The following TMTC1 variants were observed in gnomAD, a reference collection of about 807,000 sequenced individuals.
TMTC1 encodes protein O-mannosyl-transferase TMTC1.
TMTC1 carries 73 observed loss-of-function variants against 104.8 expected under a neutral mutation model. The observed-to-expected ratio is 0.70, with a 90% CI of 0.58 to 0.85. The LOEUF (loss-of-function observed/expected upper bound fraction) is 0.85. TMTC1 is among the 40% of genes least tolerant of loss of function. TMTC1 has a pLI of 0.00. For missense variants in TMTC1, 1,035 were observed against 1,096.1 expected, an observed-to-expected ratio of 0.94 and a Z score of 0.79; for synonymous variants, 434 against 428.7, an observed-to-expected ratio of 1.01 and a Z score of -0.15.
At chr12:29,736,728 C>T (rs775365036) in intron 5 of TMTC1, among the ~76,000 whole-genome samples, 20 of 152,128 alleles carry the variant, frequency 1.3e-4, no homozygotes, top group Non-Finnish European at 2.6e-4. Flanking sequence ...TAAATTCTCT[C>T]TCTTAAAAAA....
At chr12:29,660,235 A>G (rs1401788681) in intron 5 of TMTC1, among the ~76,000 whole-genome samples, 3 of 152,216 alleles carry the variant, frequency 2.0e-5, no homozygotes, top group Non-Finnish European at 4.4e-5. Context: ...GTGGCAAGGA[A>G]GTCTTGACTA....
chr12:29,660,635 A>G (rs1260992956), intron 5 of TMTC1, among the ~76,000 whole-genome samples: 1 of 152,132 alleles, frequency 6.6e-6, no homozygotes, highest in Non-Finnish European at 1.5e-5. Context: ...ATACCTTTGG[A>G]CGCTTTGTAA....
chr12:29,516,366 G>C lies in TMTC1; in HGVS notation c.2290C>G (p.Gln764Glu), dbSNP rs777361936. The change falls in exon 15 of 18, where the codon CAG becomes GAG. Residue 764 changes from glutamine to glutamate, a missense_variant. Transcript: ENST00000539277. The stretch of plus-strand genomic sequence containing the variant: ...TTCTTTACCTTGTCGTGGTTCTCCT[G>C]CTTGCTATAGATGGCTGACAAGAGG... Reference protein sequence around the residue: ...YRLLSAIYSKQENHDKALDAI... With the variant: ...YRLLSAIYSKEENHDKALDAI... The C allele has an allele frequency of 6.2e-7, 1 of 1,613,432 alleles. No homozygotes were observed. Among genetic ancestry groups the C allele is most frequent in the Non-Finnish European group, 8.5e-7 (1 of 1,179,626 alleles).
intron 5 of TMTC1, among the ~76,000 whole-genome samples, chr12:29,702,538 T>G (rs1472843761): frequency 6.6e-6 from 1 of 152,160 alleles, no homozygotes; most frequent in Non-Finnish European, 1.5e-5. Flanking sequence ...GAGCAGAGAA[T>G]AAGAATACCC....
intron 5 of TMTC1, among the ~76,000 whole-genome samples, chr12:29,637,708 T>C (rs375584361): frequency 6.6e-6 from 1 of 152,292 alleles, no homozygotes; most frequent in East Asian, 1.9e-4. Context: ...AGAATATACA[T>C]AAATTCTGTT....
At chr12:29,536,813 A>C (rs1198490319) in intron 10 of TMTC1, among the ~76,000 whole-genome samples, 2 of 152,202 alleles carry the variant, frequency 1.3e-5, no homozygotes, top group African/African-American at 4.8e-5. Context: ...TATTTAAGAG[A>C]GAAAATATTC....
At chr12:29,601,248 CT>C in intron 7 of TMTC1, among the ~76,000 whole-genome samples, 1 of 152,256 alleles carries the variant, frequency 6.6e-6, no homozygotes, top group African/African-American at 2.4e-5. Flanking sequence ...CAAGATGAAC[CT>C]CTTACAATAA....
At chr12:29,510,673 CA>C (rs1373710076) in intron 17 of TMTC1, among the ~76,000 whole-genome samples, 4 of 152,164 alleles carry the variant, frequency 2.6e-5, no homozygotes, top group African/African-American at 9.7e-5. Context: ...GATCAGTTTC[CA>C]CTTAACAGTA....
At chr12:29,615,972 C>T (rs1013106257) in intron 6 of TMTC1, among the ~76,000 whole-genome samples, 3 of 152,124 alleles carry the variant, frequency 2.0e-5, no homozygotes, top group East Asian at 1.9e-4. Flanking sequence ...TCCCAAAGCA[C>T]GTTGCAAGAA....
chr12:29,699,906 T>C (rs7964965), intron 5 of TMTC1, among the ~76,000 whole-genome samples: 3,470 of 152,054 alleles, frequency 0.023, 139 homozygotes, highest in African/African-American at 0.079. Context: ...CCTCCCAAAA[T>C]GCCGGGATTA....
At chr12:29,666,478 C>A (rs1443287350) in intron 5 of TMTC1, among the ~76,000 whole-genome samples, 1 of 151,966 alleles carries the variant, frequency 6.6e-6, no homozygotes, top group Non-Finnish European at 1.5e-5. Flanking sequence ...CGTGATCCAC[C>A]CGCCTCTGCC....
intron 5 of TMTC1, among the ~76,000 whole-genome samples, chr12:29,718,377 G>A (rs1199634409): frequency 6.6e-6 from 1 of 152,184 alleles, no homozygotes; most frequent in Non-Finnish European, 1.5e-5. Flanking sequence ...ATCCAGAGCA[G>A]CCTTGATAAC....
chr12:29,768,707 T>C (rs1727932892), intron 1 of TMTC1, among the ~76,000 whole-genome samples: 1 of 152,198 alleles, frequency 6.6e-6, no homozygotes, highest in Non-Finnish European at 1.5e-5. Flanking sequence ...TGTTCCACAA[T>C]GTGTATTAAA....
At chr12:29,718,160 T>C (rs900243241) in intron 5 of TMTC1, among the ~76,000 whole-genome samples, 1 of 151,886 alleles carries the variant, frequency 6.6e-6, no homozygotes, top group Non-Finnish European at 1.5e-5. Context: ...AGATTGAAAA[T>C]AAGTGCTTCA....
At chr12:29,758,452 T>C (rs915321288) in intron 3 of TMTC1, among the ~76,000 whole-genome samples, 10 of 152,172 alleles carry the variant, frequency 6.6e-5, no homozygotes, top group African/African-American at 2.4e-4. Flanking sequence ...GTAAAAGGAA[T>C]GATAAAGCAA....
chr12:29,768,427 G>A (rs1943522848), intron 1 of TMTC1, among the ~76,000 whole-genome samples: 1 of 152,164 alleles, frequency 6.6e-6, no homozygotes. Context: ...CTCTTCCCAA[G>A]CAACTGAGTG....
chr12:29,653,083 T>C (rs945643979), intron 5 of TMTC1, among the ~76,000 whole-genome samples: 17 of 149,914 alleles, frequency 1.1e-4, no homozygotes, highest in African/African-American at 4.1e-4. Context: ...AAATATATAT[T>C]ATATATATTT....
chr12:29,509,583 A>G (rs10492310), intron 17 of TMTC1, among the ~76,000 whole-genome samples: 6,107 of 152,280 alleles, frequency 0.04, 235 homozygotes, highest in East Asian at 0.18. Context: ...CTTCATAAGG[A>G]CAACTCTGCA....
intron 9 of TMTC1, among the ~76,000 whole-genome samples, chr12:29,558,684 T>C (rs75005169): frequency 0.02 from 2,989 of 152,318 alleles, 54 homozygotes; most frequent in Non-Finnish European, 0.031. Flanking sequence ...GAAAGCACAC[T>C]GAGCCAGCAC....
Sources: allele counts gnomAD v4.1 joint callset (sites outside exome capture counted in the v4.1 genomes callset), GRCh38; gene constraint gnomAD v4.1.1; transcripts MANE v1.5; gene names NCBI Gene and HGNC (gene_info 2026-07-23, HGNC 2026-07-21).